STON2: variants seen among roughly 807,000 people sequenced by gnomAD.
STON2 encodes stonin 2, also known as stonin-2.
Under a neutral mutation model 65.7 loss-of-function variants are expected in STON2, and 29 were observed. The ratio of observed to expected loss-of-function variants is 0.44; its 90% CI spans 0.33 to 0.60. The LOEUF (loss-of-function observed/expected upper bound fraction) is 0.60, where lower values mean the gene tolerates loss of function less well. STON2 is among the 20% of genes least tolerant of loss of function. STON2 has a pLI of 0.03. For synonymous variants in STON2, 404 were observed against 414.2 expected (o/e 0.98, Z 0.30); for missense variants, 1,054 against 1,118.1 (o/e 0.94, Z 0.82).
At chr14:81,304,638 G>A (rs1896102601) in intron 5 of STON2, among the ~76,000 whole-genome samples, 1 of 152,150 alleles carries the variant, frequency 6.6e-6, no homozygotes, top group Non-Finnish European at 1.5e-5. Flanking sequence ...TGAGGCATGA[G>A]AATTGCTTGA....
chr14:81,397,145 A>T (rs1900365528), intron 2 of STON2, among the ~76,000 whole-genome samples: 1 of 152,240 alleles, frequency 6.6e-6, no homozygotes, highest in African/African-American at 2.4e-5. Context: ...CATCAGCTGT[A>T]CAACAAAAGA....
intron 4 of STON2, among the ~76,000 whole-genome samples, chr14:81,367,234 G>A (rs928353414): frequency 1.6e-4 from 24 of 151,982 alleles, no homozygotes; most frequent in African/African-American, 4.6e-4. Flanking sequence ...GCTGGAGTGC[G>A]GTGGCACGAT....
chr14:81,350,171 A>T (rs551172569), intron 4 of STON2, among the ~76,000 whole-genome samples: 23 of 152,162 alleles, frequency 1.5e-4, no homozygotes, highest in Admixed American at 6.5e-4. Context: ...ACAATACTAC[A>T]CTGTATATTT....
chr14:81,308,129 C>G (rs1347988788), intron 5 of STON2, among the ~76,000 whole-genome samples: 1 of 152,186 alleles, frequency 6.6e-6, no homozygotes, highest in Non-Finnish European at 1.5e-5. Flanking sequence ...ACTTCCCAAA[C>G]AGAAATGTAT....
chr14:81,402,765 G>C (rs1900669877), upstream of STON2, among the ~76,000 whole-genome samples: 1 of 152,252 alleles, frequency 6.6e-6, no homozygotes, highest in Non-Finnish European at 1.5e-5. Flanking sequence ...CACGCAGACA[G>C]TTGCAAGTCT....
Position 81,394,436 on chromosome 14 carries a change from C to A in STON2, c.373+1458G>T, listed in dbSNP as rs148645098. ...TTTGCTAGTAGGTCTCTGTGGTAGA[C>A]AGAATGCCTCCCATTCTACCCCAAG... On this transcript the variant is annotated intron_variant, in intron 3 of 7. Transcript: ENST00000614646. Among the ~76,000 whole-genome samples the A allele has an allele frequency of 5.3e-4, 80 of 152,222 alleles. 2 individuals are homozygous for A. In the South Asian group the frequency reaches 0.012, roughly 22 times the overall value.
At chr14:81,408,158 C>T (rs942161273) in intron 2 of STON2, among the ~76,000 whole-genome samples, 5 of 94,554 alleles carry the variant, frequency 5.3e-5, no homozygotes, top group Admixed American at 1.0e-4. Context: ...CACACACACA[C>T]GCGCACACAC....
chr14:81,354,971 G>A (rs1340189613), intron 4 of STON2, among the ~76,000 whole-genome samples: 1 of 150,872 alleles, frequency 6.6e-6, no homozygotes, highest in Non-Finnish European at 1.5e-5. Context: ...AGTGAGCAGA[G>A]ATCACTCCGT....
rs142078372 is a variant in STON2 at position 81,312,028 on chromosome 14, C to T, written c.742+11989G>A. Among the ~76,000 whole-genome samples the T allele has an allele frequency of 1.8e-3, 272 of 152,338 alleles. 3 individuals are homozygous for T. Among genetic ancestry groups the T allele is most frequent in the African/African-American group, 6.2e-3 (257 of 41,572 alleles). On this transcript the variant is annotated intron_variant, in intron 5 of 7. Coordinates refer to ENST00000614646, the MANE Select transcript of STON2 (RefSeq NM_001394390.1). ...CAGAATGGACCTGTGTGTGTGTGCA[C>T]ATGCCCACGCTTGTGTACGTAGCAT... is the stretch of plus-strand genomic sequence containing the variant.
At chr14:81,284,776 G>A (rs1008921907) in intron 5 of STON2, among the ~76,000 whole-genome samples, 4 of 152,178 alleles carry the variant, frequency 2.6e-5, no homozygotes, top group African/African-American at 9.7e-5. Flanking sequence ...AACTTCAAAG[G>A]ACAGGCTGAC....
chr14:81,276,565 T>C (rs1168098017), intron 6 of STON2, among the ~76,000 whole-genome samples: 1 of 152,156 alleles, frequency 6.6e-6, no homozygotes, highest in Non-Finnish European at 1.5e-5. Flanking sequence ...TAGAAATGAA[T>C]CACTTCCAGC....
At position 81,371,676 on chromosome 14, in the gene STON2, T is replaced by TC. The variant is rs58782661; in HGVS notation, c.374-492_374-491insG. On this transcript the variant is annotated intron_variant, in intron 3 of 7. Coordinates refer to ENST00000614646, the MANE Select transcript of STON2 (RefSeq NM_001394390.1). ...ACAACAGAATGAATGAGACTGAGTC[T>TC]AAAAAAAAAAAAAAAGAAAAGAAAA... Among the ~76,000 whole-genome samples the TC allele has an allele frequency of 2.0e-3, 193 of 97,602 alleles. 4 individuals are homozygous for TC. The highest frequency in any genetic ancestry group is 3.3e-3 in the East Asian group (7 of 2,094). The allele number at this position is 97,602 out of a possible 152,430, so 64.0% of individuals were successfully genotyped here.
At chr14:81,435,833 G>C (rs2139941718) in intron 1 of STON2, among the ~76,000 whole-genome samples, 1 of 152,318 alleles carries the variant, frequency 6.6e-6, no homozygotes, top group Admixed American at 6.5e-5. Flanking sequence ...TCTGGGCGCT[G>C]TCCAGCGGGC....
intron 4 of STON2, among the ~76,000 whole-genome samples, chr14:81,359,872 A>AAAAC (rs758415232): frequency 3.9e-5 from 6 of 152,338 alleles, no homozygotes; most frequent in Admixed American, 6.5e-5. Flanking sequence ...CAGTGATTTA[A>AAAAC]AAACAAACAA....
intron 1 of STON2, among the ~76,000 whole-genome samples, chr14:81,429,776 A>T (rs1049235722): frequency 6.6e-6 from 1 of 152,040 alleles, no homozygotes; most frequent in African/African-American, 2.4e-5. Flanking sequence ...TCTACTAAAA[A>T]TACAAAAAAT....
intron 5 of STON2, among the ~76,000 whole-genome samples, chr14:81,309,975 A>C (rs1036603439): frequency 1.3e-5 from 2 of 152,208 alleles, no homozygotes; most frequent in African/African-American, 4.8e-5. Flanking sequence ...ACTCTGAATT[A>C]GAGCTGGGAG....
upstream of STON2, among the ~76,000 whole-genome samples, chr14:81,404,367 C>T (rs979265109): frequency 1.3e-5 from 2 of 152,140 alleles, no homozygotes; most frequent in African/African-American, 4.8e-5. Flanking sequence ...TTTTATACTG[C>T]TTTCATGTTA....
At chr14:81,303,903 C>T (rs143987405) in intron 5 of STON2, among the ~76,000 whole-genome samples, 4 of 152,148 alleles carry the variant, frequency 2.6e-5, no homozygotes, top group African/African-American at 9.7e-5. Context: ...CACAGTTGAG[C>T]ACATGCATGT....
intron 1 of STON2, among the ~76,000 whole-genome samples, chr14:81,435,467 G>C (rs1232353615): frequency 3.3e-5 from 5 of 152,156 alleles, no homozygotes; most frequent in Admixed American, 2.0e-4. Flanking sequence ...CTATCAGACC[G>C]GTGCAATCAT....
Sources: allele counts gnomAD v4.1 joint callset (sites outside exome capture counted in the v4.1 genomes callset), GRCh38; gene constraint gnomAD v4.1.1; transcripts MANE v1.5; gene names NCBI Gene and HGNC (gene_info 2026-07-23, HGNC 2026-07-21).